GRID2: variants seen among roughly 807,000 people sequenced by gnomAD.
GRID2 encodes glutamate ionotropic receptor delta type subunit 2.
A neutral mutation model predicts 114.8 loss-of-function variants in GRID2; 33 were observed. The ratio of observed to expected loss-of-function variants is 0.29; its 90% confidence interval spans 0.22 to 0.38. The LOEUF (loss-of-function observed/expected upper bound fraction) is 0.38, where lower values mean the gene tolerates loss of function less well. GRID2 is among the 10% of genes least tolerant of loss of function. GRID2 has a pLI of 1.00. For missense variants in GRID2, 1,184 were observed against 1,257.7 expected, an observed-to-expected ratio of 0.94 and a Z score of 0.89; for synonymous variants, 505 against 449.9, an observed-to-expected ratio of 1.12 and a Z score of -1.55.
chr4:92,507,852 C>T (rs1579487513), intron 1 of GRID2, among the ~76,000 whole-genome samples: 3 of 151,986 alleles, frequency 2.0e-5, no homozygotes. Context: ...ATTCACACAG[C>T]ATTAGTGCCA....
At chr4:93,682,581 C>T (rs989252056) in intron 14 of GRID2, among the ~76,000 whole-genome samples, 17 of 152,164 alleles carry the variant, frequency 1.1e-4, no homozygotes, top group African/African-American at 2.4e-4. Context: ...GACATATACA[C>T]CATGGAATAC....
chr4:93,701,143 G>A (rs1366697624), intron 14 of GRID2, among the ~76,000 whole-genome samples: 1 of 152,018 alleles, frequency 6.6e-6, no homozygotes, highest in Non-Finnish European at 1.5e-5. Context: ...TAATTTGATT[G>A]GTATTAAATA....
intron 2 of GRID2, among the ~76,000 whole-genome samples, chr4:92,983,522 A>AT (rs1457117895): frequency 2.0e-5 from 3 of 151,932 alleles, no homozygotes; most frequent in Admixed American, 6.6e-5. Flanking sequence ...GACATATCTC[A>AT]TTTTTTTGTC....
intron 8 of GRID2, among the ~76,000 whole-genome samples, chr4:93,288,834 T>C (rs1753445077): frequency 6.6e-6 from 1 of 152,182 alleles, no homozygotes. Flanking sequence ...TTAATTTTTA[T>C]GTTTTCCCTG....
At chr4:92,635,525 T>A (rs1731026446) in intron 2 of GRID2, among the ~76,000 whole-genome samples, 1 of 152,092 alleles carries the variant, frequency 6.6e-6, no homozygotes, top group Non-Finnish European at 1.5e-5. Flanking sequence ...GTTTGGGGTT[T>A]TAATCTGCGT....
chr4:93,122,576 G>C (rs1733878695), intron 4 of GRID2, among the ~76,000 whole-genome samples: 1 of 152,000 alleles, frequency 6.6e-6, no homozygotes, highest in Non-Finnish European at 1.5e-5. Flanking sequence ...GGATTCTATG[G>C]TAAAAGTTGT....
intron 2 of GRID2, among the ~76,000 whole-genome samples, chr4:92,653,708 A>G (rs1348259450): frequency 1.3e-5 from 2 of 152,102 alleles, no homozygotes; most frequent in South Asian, 2.1e-4. Context: ...ATAGTGAGCC[A>G]GCAGATTTGG....
chr4:92,755,131 G>A lies in GRID2; in HGVS notation c.244+164845G>A, dbSNP rs528428863. On this transcript the variant is annotated intron_variant, in intron 2 of 15. Coordinates refer to ENST00000282020, the MANE Select transcript of GRID2 (RefSeq NM_001510.4). Reference sequence around the variant, plus strand: ...CATTTGTGCTGGCCTTTTCCCAGGGGTCTACACGTCAAATATGGGCATCAG... The same window carrying A: ...CATTTGTGCTGGCCTTTTCCCAGGGATCTACACGTCAAATATGGGCATCAG... Among the ~76,000 whole-genome samples, 20 of 152,174 alleles carry A rather than the reference G, an allele frequency of 1.3e-4. No individual in the cohort carries two copies. In the South Asian group the frequency reaches 4.1e-3, roughly 32 times the overall value.
rs182684801 is a variant in GRID2 at position 92,604,239 on chromosome 4, G to A, written c.244+13953G>A. Among the ~76,000 whole-genome samples, 11 of 152,176 alleles carry A rather than the reference G, an allele frequency of 7.2e-5. No individual in the cohort carries two copies. In the East Asian group the frequency reaches 7.7e-4, roughly 11 times the overall value. On this transcript the variant is annotated intron_variant, in intron 2 of 15. Transcript: ENST00000282020. The stretch of plus-strand genomic sequence containing the variant: ...TTTTATTATAAAAATACTTGCATGC[G>A]TATCTTCATTGCAGCAGTATTCACA...
At chr4:93,043,804 A>G (rs1403879553) in intron 2 of GRID2, among the ~76,000 whole-genome samples, 1 of 152,030 alleles carries the variant, frequency 6.6e-6, no homozygotes, top group Non-Finnish European at 1.5e-5. Flanking sequence ...TAGAAGATAT[A>G]CCTAATGTAA....
At chr4:93,614,234 C>G (rs1741335737) in intron 13 of GRID2, among the ~76,000 whole-genome samples, 1 of 152,214 alleles carries the variant, frequency 6.6e-6, no homozygotes, top group Non-Finnish European at 1.5e-5. Context: ...TGGGATGAAC[C>G]TGGTACCTCA....
chr4:92,385,268 G>C (rs1399067667), intron 1 of GRID2, among the ~76,000 whole-genome samples: 1 of 151,490 alleles, frequency 6.6e-6, no homozygotes, highest in Non-Finnish European at 1.5e-5. Flanking sequence ...CTCATTTCTA[G>C]ACATGACTAT....
chr4:93,092,170 G>A (rs1730847817), intron 3 of GRID2, among the ~76,000 whole-genome samples: 1 of 152,140 alleles, frequency 6.6e-6, no homozygotes, highest in Admixed American at 6.6e-5. Flanking sequence ...TCTGTTGATG[G>A]TAGAGAGCGA....
At position 93,392,536 on chromosome 4, in the gene GRID2, C is replaced by G. The variant is rs562027587; in HGVS notation, c.1246-3071C>G. Among the ~76,000 whole-genome samples the G allele has an allele frequency of 3.9e-5, 6 of 152,138 alleles. No homozygotes were observed. In the Middle Eastern group the frequency reaches 0.01, roughly 259 times the overall value. ...AAGTTATTATAATCAAACAAAAAAG[C>G]TTGAAATGAACCTCAGGGAGGTAAG... On this transcript the variant is annotated intron_variant, in intron 8 of 15. Transcript: ENST00000282020.
chr4:93,473,463 A>G (rs1056990646), intron 11 of GRID2, among the ~76,000 whole-genome samples: 2 of 152,166 alleles, frequency 1.3e-5, no homozygotes, highest in Admixed American at 6.5e-5. Context: ...TCAGCTTTAC[A>G]TTACTGTGTC....
At chr4:93,054,863 T>A (rs1168484722) in intron 2 of GRID2, among the ~76,000 whole-genome samples, 1 of 151,886 alleles carries the variant, frequency 6.6e-6, no homozygotes. Flanking sequence ...TCCAGGATCA[T>A]AAGAAGAAAA....
chr4:93,749,772 T>TC (rs1732153303), intron 14 of GRID2, among the ~76,000 whole-genome samples: 1 of 152,216 alleles, frequency 6.6e-6, no homozygotes, highest in Admixed American at 6.5e-5. Context: ...CTCACAATGC[T>TC]TTTTGCTCTC....
At chr4:93,412,772 G>T (rs1158691573) in intron 9 of GRID2, among the ~76,000 whole-genome samples, 1 of 152,022 alleles carries the variant, frequency 6.6e-6, no homozygotes, top group Non-Finnish European at 1.5e-5. Flanking sequence ...ACAGGCCCCA[G>T]TGTGTGATGT....
chr4:93,608,292 T>C (rs1389553088), intron 13 of GRID2, among the ~76,000 whole-genome samples: 1 of 69,134 alleles, frequency 1.4e-5, no homozygotes, highest in Admixed American at 1.9e-4. Context: ...AATTATTTTT[T>C]TTTCTTTTTT....
Sources: gnomAD v4.1 joint callset for allele counts (sites outside exome capture counted in the v4.1 genomes callset) on GRCh38, gnomAD v4.1.1 for gene constraint, MANE v1.5 for transcripts, NCBI Gene and HGNC (gene_info 2026-07-23, HGNC 2026-07-21) for gene names.